MGAT5: variants seen among roughly 807,000 people sequenced by gnomAD.
The protein encoded by MGAT5 is alpha-1,6-mannosylglycoprotein 6-beta-N-acetylglucosaminyltransferase.
MGAT5 carries 30 observed loss-of-function variants against 94.3 expected under a neutral mutation model. The observed-to-expected ratio is 0.32, with a 90% CI of 0.24 to 0.43. The LOEUF is 0.43. Ranked by LOEUF, MGAT5 falls within the 20% of genes least tolerant of loss-of-function variation. MGAT5 has a pLI of 1.00. For missense variants in MGAT5, 691 were observed against 905.5 expected (o/e 0.76, Z 3.04); for synonymous variants, 310 against 322.9 (o/e 0.96, Z 0.43).
chr2:134,233,101 T>C (rs1452141051), intron 1 of MGAT5, among the ~76,000 whole-genome samples: 1 of 152,240 alleles, frequency 6.6e-6, no homozygotes, highest in Admixed American at 6.5e-5. Flanking sequence ...CGTGAGTTGT[T>C]TTCCAGGTAT....
At chr2:134,255,709 A>G (rs1022845984) in intron 1 of MGAT5, among the ~76,000 whole-genome samples, 6 of 152,110 alleles carry the variant, frequency 3.9e-5, no homozygotes, top group East Asian at 1.9e-4. Context: ...CCCTGATAGT[A>G]TAGATGAGAT....
intron 10 of MGAT5, among the ~76,000 whole-genome samples, chr2:134,395,010 G>A (rs900975853): frequency 6.6e-6 from 1 of 152,222 alleles, no homozygotes; most frequent in Non-Finnish European, 1.5e-5. Flanking sequence ...TGCCCAGATA[G>A]GTGGAAAACA....
intron 10 of MGAT5, among the ~76,000 whole-genome samples, chr2:134,367,699 A>G (rs1680523532): frequency 6.6e-6 from 1 of 152,222 alleles, no homozygotes; most frequent in Admixed American, 6.5e-5. Context: ...ATTCTTCTGT[A>G]TGATTGAGGC....
chr2:134,191,718 G>C (rs1679192109), intron 1 of MGAT5, among the ~76,000 whole-genome samples: 1 of 149,124 alleles, frequency 6.7e-6, no homozygotes, highest in Non-Finnish European at 1.5e-5. Context: ...CCTGATGGGA[G>C]GGTGGGTTCG....
chr2:134,391,771 T>C (rs1682427264), intron 10 of MGAT5, among the ~76,000 whole-genome samples: 1 of 152,188 alleles, frequency 6.6e-6, no homozygotes, highest in African/African-American at 2.4e-5. Flanking sequence ...TTGGCTAGAA[T>C]AGAACCACAA....
At chr2:134,139,718 A>C (rs905638843) in intron 1 of MGAT5, among the ~76,000 whole-genome samples, 37 of 152,180 alleles carry the variant, frequency 2.4e-4, no homozygotes, top group African/African-American at 8.9e-4. Flanking sequence ...CAAAATCAAA[A>C]GTTTCATAAC....
At position 134,350,185 on chromosome 2, in the gene MGAT5, A is replaced by G. The variant is rs895788389; in HGVS notation, c.1246+247A>G. On this transcript the variant is annotated intron_variant, in intron 9 of 15. Coordinates refer to ENST00000281923, the MANE Select transcript of MGAT5 (RefSeq NM_002410.5). ...TTCTGGAGAAAAAATGTTCAATACA[A>G]AGTATCTTTAGAAACTATTTGGGAA... Among the ~76,000 whole-genome samples the G allele has an allele frequency of 2.0e-5, 3 of 152,180 alleles. 1 individual carries two copies. Among genetic ancestry groups the G allele is most frequent in the East Asian group, 3.8e-4 (2 of 5,198 alleles).
chr2:134,337,327 T>C (rs1456977387), intron 5 of MGAT5, among the ~76,000 whole-genome samples: 2 of 152,124 alleles, frequency 1.3e-5, no homozygotes, highest in East Asian at 1.9e-4. Context: ...ATTTAAAAAC[T>C]AGCTGAGCGT....
intron 12 of MGAT5, 127 bp from the exon 13 acceptor site, chr2:134,422,676 G>A: frequency 1.5e-6 from 1 of 675,248 alleles, no homozygotes; most frequent in Non-Finnish European, 2.6e-6. Context: ...TGATCATCAA[G>A]GGGAAGGACA....
chr2:134,146,233 G>A (rs1252628230), intron 1 of MGAT5, among the ~76,000 whole-genome samples: 1 of 152,112 alleles, frequency 6.6e-6, no homozygotes, highest in Non-Finnish European at 1.5e-5. Flanking sequence ...TTAAGTAAAA[G>A]GAAATGAGTC....
At chr2:134,412,813 C>A in intron 11 of MGAT5, 56 bp from the exon 12 acceptor site, 1 of 1,592,822 alleles carries the variant, frequency 6.3e-7, no homozygotes, top group Non-Finnish European at 8.6e-7. Context: ...AATGCCCGTC[C>A]TGCCTGATGG....
At chr2:134,124,207 A>G (rs1685738673) in intron 1 of MGAT5, among the ~76,000 whole-genome samples, 1 of 152,226 alleles carries the variant, frequency 6.6e-6, no homozygotes, top group South Asian at 2.1e-4. Flanking sequence ...GCTCTTGGAA[A>G]GCTGCCAAGG....
intron 1 of MGAT5, among the ~76,000 whole-genome samples, chr2:134,178,845 TAAC>T (rs1197573514): frequency 3.3e-5 from 5 of 152,244 alleles, no homozygotes; most frequent in Non-Finnish European, 7.3e-5. Context: ...TCCCTGTTAA[TAAC>T]TAACATTTAC....
intron 2 of MGAT5, among the ~76,000 whole-genome samples, chr2:134,282,189 T>G (rs1684737738): frequency 6.6e-6 from 1 of 152,216 alleles, no homozygotes; most frequent in African/African-American, 2.4e-5. Context: ...GAAGGTGGCT[T>G]TTAGCCTGTG....
rs1558841817 is a variant in MGAT5 at position 134,381,391 on chromosome 2, TAGATAGATAGA to T, written c.1380+18984_1380+18994del. Among the ~76,000 whole-genome samples the T allele has an allele frequency of 2.9e-4, 23 of 80,054 alleles. No homozygotes were observed. The East Asian group carries it at 5.4e-3, about 19-fold the overall frequency. 52.5% of individuals were successfully genotyped at this position (80,054 alleles called of 152,430 possible). ...GATAAGATAAGATAGATTAGATAGA[TAGATAGATAGA>T]TAGATAGATAGATAGATAGATAGAT... is the stretch of plus-strand genomic sequence containing the variant. On this transcript the variant is annotated intron_variant, in intron 10 of 15. Coordinates refer to ENST00000281923, the MANE Select transcript of MGAT5 (RefSeq NM_002410.5).
intron 1 of MGAT5, among the ~76,000 whole-genome samples, chr2:134,202,163 T>C (rs1679821407): frequency 6.6e-6 from 1 of 152,212 alleles, no homozygotes. Flanking sequence ...CATTTTCTTG[T>C]TCAGCTTCTC....
chr2:134,294,990 C>A (rs1482303799), intron 2 of MGAT5, among the ~76,000 whole-genome samples: 1 of 152,154 alleles, frequency 6.6e-6, no homozygotes, highest in African/African-American at 2.4e-5. Flanking sequence ...TTATAAATGA[C>A]CCTGCCTCCT....
At chr2:134,405,521 G>A (rs911636170) in intron 11 of MGAT5, among the ~76,000 whole-genome samples, 3 of 152,162 alleles carry the variant, frequency 2.0e-5, no homozygotes, top group East Asian at 1.9e-4. Context: ...GTCAGGCTTC[G>A]CATCTATAAC....
At chr2:134,394,761 T>G (rs774167783) in intron 10 of MGAT5, among the ~76,000 whole-genome samples, 28 of 152,188 alleles carry the variant, frequency 1.8e-4, no homozygotes, top group Non-Finnish European at 3.4e-4. Context: ...TTTCCAAAAT[T>G]CTTCCCTGAC....
Sources: gnomAD v4.1 joint callset for allele counts (sites outside exome capture counted in the v4.1 genomes callset) on GRCh38, gnomAD v4.1.1 for gene constraint, MANE v1.5 for transcripts, NCBI Gene and HGNC (gene_info 2026-07-23, HGNC 2026-07-21) for gene names.